FSTL4: variants seen among roughly 807,000 people sequenced by gnomAD.
FSTL4 encodes the protein follistatin like 4.
Under a neutral mutation model 78.2 loss-of-function variants are expected in FSTL4, and 28 were observed. The observed-to-expected ratio is 0.36, with a 90% CI of 0.27 to 0.49. The LOEUF (loss-of-function observed/expected upper bound fraction) is 0.49. Ranked by LOEUF, FSTL4 falls within the 20% of genes least tolerant of loss-of-function variation. The pLI, the probability that FSTL4 is intolerant of heterozygous loss-of-function variation, is 0.98. For missense variants in FSTL4, 922 were observed against 1,084.9 expected (o/e 0.85, Z 2.11); for synonymous variants, 422 against 440.5 (o/e 0.96, Z 0.53).
chr5:133,698,599 T>A, the FSTL4 span, among the ~76,000 whole-genome samples: 2 of 152,396 alleles, frequency 1.3e-5, no homozygotes, highest in Non-Finnish European at 2.9e-5. Flanking sequence ...GACCATTACA[T>A]GCAATAATGC....
At chr5:133,743,955 C>G in the FSTL4 span, among the ~76,000 whole-genome samples, 2 of 152,234 alleles carry the variant, frequency 1.3e-5, no homozygotes, top group Non-Finnish European at 2.9e-5. Flanking sequence ...AATGTTTCTA[C>G]TCCCTGCCAG....
chr5:133,420,236 C>T (rs1383362510), intron 3 of FSTL4, among the ~76,000 whole-genome samples: 2 of 152,176 alleles, frequency 1.3e-5, no homozygotes, highest in Non-Finnish European at 2.9e-5. Flanking sequence ...CAGAACAGTG[C>T]TTGCCTCTGT....
At chr5:133,407,929 G>A in intron 3 of FSTL4, among the ~76,000 whole-genome samples, 1 of 152,346 alleles carries the variant, frequency 6.6e-6, no homozygotes, top group Non-Finnish European at 1.5e-5. Context: ...TTCAGAGGAG[G>A]ACTTGAGGAG....
chr5:133,809,321 G>A, the FSTL4 span, among the ~76,000 whole-genome samples: 24 of 140,918 alleles, frequency 1.7e-4, no homozygotes, highest in Non-Finnish European at 2.4e-4. Context: ...GGCAGAGATC[G>A]CACCACTGCA....
At chr5:133,727,641 C>T in the FSTL4 span, among the ~76,000 whole-genome samples, 1 of 152,242 alleles carries the variant, frequency 6.6e-6, no homozygotes, top group Non-Finnish European at 1.5e-5. Flanking sequence ...AACATCTTAG[C>T]TTCTAAGTCC....
the FSTL4 span, among the ~76,000 whole-genome samples, chr5:133,727,864 C>T: frequency 2.6e-4 from 39 of 152,238 alleles, no homozygotes; most frequent in East Asian, 2.9e-3. Flanking sequence ...GCCAAGAGCA[C>T]GAGGGCTGTT....
At chr5:133,413,824 C>A (rs1211211555) in intron 3 of FSTL4, among the ~76,000 whole-genome samples, 1 of 152,156 alleles carries the variant, frequency 6.6e-6, no homozygotes, top group Non-Finnish European at 1.5e-5. Flanking sequence ...CTGTTACACT[C>A]TTCCACTGAG....
the FSTL4 span, among the ~76,000 whole-genome samples, chr5:133,796,751 G>A: frequency 7.8e-4 from 118 of 152,156 alleles, no homozygotes; most frequent in Non-Finnish European, 1.4e-3. Context: ...CAGGATAGGG[G>A]GCATGGTGGG....
the FSTL4 span, among the ~76,000 whole-genome samples, chr5:133,830,456 G>A: frequency 6.6e-6 from 1 of 152,160 alleles, no homozygotes; most frequent in Admixed American, 6.5e-5. Context: ...AGGGCACAGG[G>A]CTGGGGCAAG....
At chr5:133,258,000 C>T (rs1013297860) in intron 6 of FSTL4, among the ~76,000 whole-genome samples, 1 of 152,184 alleles carries the variant, frequency 6.6e-6, no homozygotes, top group Non-Finnish European at 1.5e-5. Flanking sequence ...AAGGTTGGAT[C>T]CAGAATCTCC....
chr5:133,819,635 T>A, the FSTL4 span, among the ~76,000 whole-genome samples: 5 of 152,278 alleles, frequency 3.3e-5, no homozygotes, highest in South Asian at 2.1e-4. Context: ...TCACAATACA[T>A]CCACAGATCA....
chr5:133,412,928 C>A (rs1756508817), intron 3 of FSTL4, among the ~76,000 whole-genome samples: 1 of 152,058 alleles, frequency 6.6e-6, no homozygotes, highest in Admixed American at 6.5e-5. Flanking sequence ...TATAGTACCC[C>A]CACATAAACA....
rs140142854 is a variant in FSTL4 at position 133,398,929 on chromosome 5, G to A, written c.409+1809C>T. On this transcript the variant is annotated intron_variant, in intron 4 of 15. Coordinates refer to ENST00000265342, the MANE Select transcript of FSTL4 (RefSeq NM_015082.2). ...AAACCTCAATGAGTCAGAAGGATTC[G>A]GTGGATAAATTCAATCAGCATGAAG... Among the ~76,000 whole-genome samples the A allele has an allele frequency of 5.8e-4, 88 of 152,272 alleles. No homozygotes were observed. In the South Asian group the frequency reaches 9.3e-3, roughly 16 times the overall value.
At chr5:133,687,540 T>A in the FSTL4 span, among the ~76,000 whole-genome samples, 1 of 152,108 alleles carries the variant, frequency 6.6e-6, no homozygotes, top group African/African-American at 2.4e-5. Flanking sequence ...TTACAGGGCG[T>A]CAGTTAAAAC....
At chr5:133,223,461 T>C (rs1360691692) in intron 11 of FSTL4, among the ~76,000 whole-genome samples, 3 of 152,226 alleles carry the variant, frequency 2.0e-5, no homozygotes, top group Non-Finnish European at 2.9e-5. Context: ...CTCCTGCTGC[T>C]GCCCACTGAG....
intron 7 of FSTL4, chr5:133,247,925 G>C (rs1322433974): frequency 1.3e-5 from 2 of 152,290 alleles, no homozygotes; most frequent in East Asian, 3.9e-4. Flanking sequence ...AAGGGGCCTA[G>C]AGAGTAGGAG....
Position 133,532,848 on chromosome 5 carries a change from T to C in FSTL4, c.160+34338A>G, listed in dbSNP as rs568497187. On this transcript the variant is annotated intron_variant, in intron 3 of 15. Coordinates refer to ENST00000265342, the MANE Select transcript of FSTL4 (RefSeq NM_015082.2). ...AGAGTACCAATCCTGAGTCTCCCCTTTGGTCAAGGGCCCTGGAGTCTCCCC... is the reference window on the plus strand; with the variant it reads ...AGAGTACCAATCCTGAGTCTCCCCTCTGGTCAAGGGCCCTGGAGTCTCCCC... Among the ~76,000 whole-genome samples the C allele has an allele frequency of 3.1e-3, 465 of 152,122 alleles. 4 individuals are homozygous for C. The highest frequency in any genetic ancestry group is 0.011 in the African/African-American group (448 of 41,492).
the FSTL4 span, among the ~76,000 whole-genome samples, chr5:133,641,809 C>T: frequency 6.6e-6 from 1 of 151,820 alleles, no homozygotes; most frequent in Non-Finnish European, 1.5e-5. Flanking sequence ...TTTTCTCCTC[C>T]TCTTCCTCCT....
the FSTL4 span, among the ~76,000 whole-genome samples, chr5:133,737,620 T>G: frequency 6.7e-6 from 1 of 150,000 alleles, no homozygotes; most frequent in Admixed American, 6.6e-5. Flanking sequence ...TTTTTTTTTT[T>G]TTGAGACGGA....
Sources: gnomAD v4.1 joint callset for allele counts (sites outside exome capture counted in the v4.1 genomes callset) on GRCh38, gnomAD v4.1.1 for gene constraint, MANE v1.5 for transcripts, NCBI Gene and HGNC (gene_info 2026-07-23, HGNC 2026-07-21) for gene names.